Variants in PRR11 observed in about 807,000 individuals in gnomAD.
PRR11 encodes the protein proline rich 11.
Under a neutral mutation model 45.6 loss-of-function variants are expected in PRR11, and 30 were observed. That is an observed-to-expected ratio of 0.66 (90% CI 0.49 to 0.89). The LOEUF (loss-of-function observed/expected upper bound fraction) is 0.89, where lower values mean the gene tolerates loss of function less well. Ranked by LOEUF, PRR11 falls within the 40% of genes least tolerant of loss-of-function variation. PRR11 has a pLI of 0.00. For missense variants in PRR11, 373 were observed against 424.8 expected (o/e 0.88, Z 1.07); for synonymous variants, 128 against 153.5 (o/e 0.83, Z 1.23).
chr17:59,196,087 C>CAAAAA (rs57940331), intron 7 of PRR11, among the ~76,000 whole-genome samples: 1 of 71,342 alleles, frequency 1.4e-5, no homozygotes, highest in Non-Finnish European at 2.8e-5. Flanking sequence ...GACTCCATCT[C>CAAAAA]AAAAAAAAAA....
chr17:59,168,118 G>A (rs1214533591), intron 1 of PRR11, among the ~76,000 whole-genome samples: 1 of 151,178 alleles, frequency 6.6e-6, no homozygotes, highest in Non-Finnish European at 1.5e-5. Flanking sequence ...TATCCCTCTA[G>A]TATCCTCTGT....
In PRR11 at chr17:59,202,507, A is replaced by T. The variant is rs1288194276; in HGVS notation, c.*876A>T. The T allele has an allele frequency of 6.6e-6, 1 of 151,856 alleles. No individual in the cohort carries two copies. The highest frequency in any genetic ancestry group is 1.5e-5 in the Non-Finnish European group (1 of 67,970). The allele number at this position is 151,856 out of a possible 1,614,324, so 9.4% of individuals were successfully genotyped here. A position where few individuals can be genotyped will look rare whatever the true frequency, so the allele number is the denominator to read the frequency against. ...CTTGAGGCTGTAGTGCACTATAATT[A>T]TGCCTGTGAATAGCCACTCTACTCC... is the stretch of plus-strand genomic sequence containing the variant. On this transcript the variant is annotated 3_prime_UTR_variant, in exon 10 of 10. Coordinates refer to ENST00000262293, the MANE Select transcript of PRR11 (RefSeq NM_018304.4).
chr17:59,197,693 G>A lies in PRR11; in HGVS notation c.918G>A (p.Arg306=). The A allele has an allele frequency of 1.2e-6, 2 of 1,613,618 alleles. No individual in the cohort carries two copies. The highest frequency in any genetic ancestry group is 8.5e-7 in the Non-Finnish European group (1 of 1,179,592). ...ACTGTTATTTTCAATACCTTTGCAG[G>A]AGCCCAGGTGGAACCCCTCTTACCA... The part of the protein sequence containing the change: ...RKLLRKVDVE[R]SPGGTPLTNK... Residue 306 remains arginine, a splice_region_variant and synonymous_variant, in exon 9 of 10, where the codon AGG becomes AGA. Transcript: ENST00000262293.
chr17:59,194,863 G>C lies in PRR11; in HGVS notation c.744+8G>C. The C allele has an allele frequency of 6.2e-7, 1 of 1,601,902 alleles. No homozygotes were observed. Among genetic ancestry groups the C allele is most frequent in the Non-Finnish European group, 8.6e-7 (1 of 1,169,490 alleles). Reference sequence around the variant, plus strand: ...TTAGATGAAAAGAGGAAGGTAAGATGTCATTGACCACATACATGCTCTTTT... The same window carrying C: ...TTAGATGAAAAGAGGAAGGTAAGATCTCATTGACCACATACATGCTCTTTT... On this transcript the variant is annotated splice_region_variant and intron_variant, in intron 6 of 9. Transcript: ENST00000262293.
intron 2 of PRR11, chr17:59,181,634 G>A: frequency 6.7e-7 from 1 of 1,490,824 alleles, no homozygotes; most frequent in Non-Finnish European, 9.1e-7. Context: ...TCAGGCTCAG[G>A]GGCGAGCTCC....
At chr17:59,176,948 C>T (rs565462813) in intron 2 of PRR11, among the ~76,000 whole-genome samples, 7 of 152,044 alleles carry the variant, frequency 4.6e-5, no homozygotes, top group South Asian at 2.1e-4. Context: ...CTGCTTGCCT[C>T]GGCCTCCCGA....
chr17:59,206,358 G>C lies in PRR11; in HGVS notation c.*4727G>C, dbSNP rs1452708587. 1.3e-5 allele frequency among the ~76,000 whole-genome samples: 2 copies of C among 151,682 alleles called. No individual in the cohort carries two copies. Among genetic ancestry groups the C allele is most frequent in the Non-Finnish European group, 2.9e-5 (2 of 67,976 alleles). ...TCCAGCCTGCTGGGTAACAGAGCAA[G>C]ACTCCATCTCAAAAAGAAAAGAAAA... On this transcript the variant is annotated 3_prime_UTR_variant, in exon 10 of 10. Transcript: ENST00000262293.
chr17:59,196,575 C>CTA (rs2046866995), intron 7 of PRR11, among the ~76,000 whole-genome samples: 1 of 152,088 alleles, frequency 6.6e-6, no homozygotes, highest in African/African-American at 2.4e-5. Context: ...CGGGGTTTCA[C>CTA]TATGTTGGCC....
At chr17:59,162,247 CACAG>C (rs1359424865) in intron 1 of PRR11, among the ~76,000 whole-genome samples, 47 of 141,300 alleles carry the variant, frequency 3.3e-4, no homozygotes, top group East Asian at 1.6e-3. Flanking sequence ...CACACACACA[CACAG>C]AGAGAGAGAG....
chr17:59,180,967 C>T (rs1413401681), intron 2 of PRR11, among the ~76,000 whole-genome samples: 2 of 151,494 alleles, frequency 1.3e-5, no homozygotes, highest in South Asian at 2.1e-4. Flanking sequence ...GCACCTGTCC[C>T]GAAACCAAAC....
At chr17:59,161,423 AC>A (rs1362800184) in intron 1 of PRR11, among the ~76,000 whole-genome samples, 3 of 150,804 alleles carry the variant, frequency 2.0e-5, no homozygotes, top group African/African-American at 7.3e-5. Flanking sequence ...AAAAAAAAAA[AC>A]AAAAACATAA....
At chr17:59,194,306 A>ACACACACAC in intron 5 of PRR11, among the ~76,000 whole-genome samples, 1 of 107,540 alleles carries the variant, frequency 9.3e-6, no homozygotes, top group Non-Finnish European at 1.9e-5. Context: ...CACACACACA[A>ACACACACAC]AACAAAACCT....
intron 2 of PRR11, 77 bp from the exon 3 acceptor site, chr17:59,184,977 A>T: frequency 7.2e-7 from 1 of 1,387,830 alleles, no homozygotes; most frequent in Non-Finnish European, 9.8e-7. Flanking sequence ...CAGTAGAGGC[A>T]TGAGCCACCA....
At chr17:59,190,378 A>T (rs1386798178) in intron 4 of PRR11, among the ~76,000 whole-genome samples, 1 of 152,066 alleles carries the variant, frequency 6.6e-6, no homozygotes, top group African/African-American at 2.4e-5. Context: ...AGGCTGAGGC[A>T]GGAGAATCAC....
intron 1 of PRR11, among the ~76,000 whole-genome samples, chr17:59,165,125 A>G (rs986259538): frequency 2.0e-5 from 3 of 151,700 alleles, no homozygotes; most frequent in Non-Finnish European, 4.4e-5. Flanking sequence ...GGTTCACACC[A>G]TTCTCCTGCC....
chr17:59,182,875 A>G (rs1409492586), intron 2 of PRR11, among the ~76,000 whole-genome samples: 1 of 152,068 alleles, frequency 6.6e-6, no homozygotes. Context: ...CCCAAAATCT[A>G]TCCCAACCCA....
At chr17:59,201,048 A>G (rs1599710136) in intron 9 of PRR11, among the ~76,000 whole-genome samples, 1 of 151,856 alleles carries the variant, frequency 6.6e-6, no homozygotes, top group Admixed American at 6.6e-5. Context: ...CACACCCATC[A>G]CCCAGCCAGT....
At position 59,185,110 on chromosome 17, in the gene PRR11, G is replaced by C; in HGVS notation, c.185G>C (p.Trp62Ser). 2 of 1,613,408 alleles carry C rather than the reference G, an allele frequency of 1.2e-6. No homozygotes were observed. Residue 62 changes from tryptophan (W) to serine (S), a missense_variant, in exon 3 of 10, where the codon TGG (tryptophan) becomes TCG (serine). Physicochemically the swap from Trp to Ser is radical, Grantham distance 177 (BLOSUM62 -3). Transcript: ENST00000262293. ...SQSRSWLTSS[W>S]NFNFPNIRDA... ...AGCAGAAGCTGGCTAACATCATCCT[G>C]GAACTTCAATTTTCCTAACATCAGA...
chr17:59,178,211 G>T (rs1244667521), intron 2 of PRR11, among the ~76,000 whole-genome samples: 1 of 152,188 alleles, frequency 6.6e-6, no homozygotes, highest in Non-Finnish European at 1.5e-5. Flanking sequence ...GTGCATGCCT[G>T]TAATCCCAGC....
Sources: gnomAD v4.1 joint callset for allele counts (sites outside exome capture counted in the v4.1 genomes callset) on GRCh38, gnomAD v4.1.1 for gene constraint, MANE v1.5 for transcripts, NCBI Gene and HGNC (gene_info 2026-07-23, HGNC 2026-07-21) for gene names.